Variants in RALGAPA2 observed in about 807,000 individuals in gnomAD.
RALGAPA2 encodes ral GTPase-activating protein subunit alpha-2.
A neutral mutation model predicts 230.4 loss-of-function variants in RALGAPA2; 139 were observed. The ratio of observed to expected loss-of-function variants is 0.60; its 90% CI spans 0.53 to 0.69. RALGAPA2 has a LOEUF of 0.69. RALGAPA2 is among the 30% of genes least tolerant of loss of function. The pLI, the probability that RALGAPA2 is intolerant of heterozygous loss-of-function variation, is 0.00. For missense variants in RALGAPA2, 2,163 were observed against 2,276.0 expected, an observed-to-expected ratio of 0.95 and a Z score of 1.01; for synonymous variants, 847 against 837.8, an observed-to-expected ratio of 1.01 and a Z score of -0.19.
chr20:20,458,054 C>T (rs917600245), intron 37 of RALGAPA2, among the ~76,000 whole-genome samples: 3 of 152,114 alleles, frequency 2.0e-5, no homozygotes, highest in African/African-American at 4.8e-5. Context: ...GCTGATGCTC[C>T]GAGGAGACTG....
rs1182378499 is a variant in RALGAPA2, at chr20:20,490,355, T to C, written c.5367+4762A>G. 3.3e-5 allele frequency among the ~76,000 whole-genome samples: 5 copies of C among 152,200 alleles called. No individual in the cohort carries two copies. In the East Asian group the frequency reaches 7.7e-4, roughly 23 times the overall value. On this transcript the variant is annotated intron_variant, in intron 36 of 39. Coordinates refer to ENST00000202677, the MANE Select transcript of RALGAPA2 (RefSeq NM_020343.4). ...AATGTCATTCCTTTACTAAAAATAA[T>C]GCTAATAACAATAATAATAAATTAT...
chr20:20,533,337 A>G (rs2063415399), intron 26 of RALGAPA2, among the ~76,000 whole-genome samples: 1 of 152,130 alleles, frequency 6.6e-6, no homozygotes, highest in African/African-American at 2.4e-5. Flanking sequence ...ATTAAAAAGA[A>G]TAGAAAGTAT....
chr20:20,491,815 T>C (rs1489617258), intron 36 of RALGAPA2, among the ~76,000 whole-genome samples: 1 of 152,020 alleles, frequency 6.6e-6, no homozygotes, highest in Non-Finnish European at 1.5e-5. Context: ...GGAATGATGC[T>C]GCTAAGCACA....
chr20:20,584,083 T>C (rs1053080090), intron 19 of RALGAPA2, among the ~76,000 whole-genome samples: 3 of 152,160 alleles, frequency 2.0e-5, no homozygotes, highest in African/African-American at 7.2e-5. Context: ...AGGGTGAAGG[T>C]AGAACTCCTC....
intron 1 of RALGAPA2, among the ~76,000 whole-genome samples, chr20:20,683,213 G>A (rs2068584065): frequency 6.6e-6 from 1 of 152,172 alleles, no homozygotes; most frequent in Non-Finnish European, 1.5e-5. Context: ...CCACGGCCCT[G>A]CCTGGTCTGT....
chr20:20,526,362 A>G lies in RALGAPA2; in HGVS notation c.3583T>C (p.Phe1195Leu), dbSNP rs1227973503. ...ACCTGGGCCACGATTTTGTTGGGAA[A>G]CTATAAAAGGAAACCGAATCCCAAA... ...AINVIGVTLK[F>L]PNKIVAQVAC... Residue 1195 changes from phenylalanine (F) to leucine (L), a missense_variant and splice_region_variant, in exon 28 of 40, where the codon TTT (phenylalanine) becomes CTT (leucine). By Grantham distance (22) the Phe-to-Leu change is conservative. Coordinates refer to ENST00000202677, the MANE Select transcript of RALGAPA2 (RefSeq NM_020343.4). 1 of 1,581,076 alleles carries G rather than the reference A, an allele frequency of 6.3e-7. No homozygotes were observed. Among genetic ancestry groups the G allele is most frequent in the Admixed American group, 1.9e-5 (1 of 53,818 alleles).
At chr20:20,450,546 A>G (rs940312265) in intron 37 of RALGAPA2, among the ~76,000 whole-genome samples, 2 of 152,238 alleles carry the variant, frequency 1.3e-5, no homozygotes, top group Non-Finnish European at 2.9e-5. Context: ...AGTGTGCACA[A>G]ATGAGAAACA....
intron 5 of RALGAPA2, among the ~76,000 whole-genome samples, chr20:20,641,295 T>G (rs746910087): frequency 1.3e-5 from 2 of 152,226 alleles, no homozygotes; most frequent in Non-Finnish European, 2.9e-5. Context: ...TAATAGTATC[T>G]TATTCTGTAA....
intron 35 of RALGAPA2, among the ~76,000 whole-genome samples, chr20:20,495,847 C>A (rs1221282760): frequency 6.6e-6 from 1 of 152,218 alleles, no homozygotes; most frequent in Non-Finnish European, 1.5e-5. Flanking sequence ...TAAGAACACT[C>A]CTACCTAGCA....
At chr20:20,527,351 C>T (rs1009985660) in intron 27 of RALGAPA2, among the ~76,000 whole-genome samples, 1 of 152,168 alleles carries the variant, frequency 6.6e-6, no homozygotes, top group African/African-American at 2.4e-5. Context: ...GTAGTCGTTG[C>T]ACTCAGGGGC....
At chr20:20,421,853 A>G (rs1267344055) in intron 37 of RALGAPA2, among the ~76,000 whole-genome samples, 1 of 152,210 alleles carries the variant, frequency 6.6e-6, no homozygotes, top group Admixed American at 6.5e-5. Context: ...GAGCATTATT[A>G]TTTACAGCCA....
chr20:20,643,455 T>C, intron 5 of RALGAPA2, 51 bp downstream of exon 5: 1 of 1,425,820 alleles, frequency 7.0e-7, no homozygotes, highest in Non-Finnish European at 9.4e-7. Flanking sequence ...CTTTGTGGCA[T>C]TAACAAATTT....
intron 37 of RALGAPA2, among the ~76,000 whole-genome samples, chr20:20,466,761 C>T (rs1052827199): frequency 1.1e-4 from 16 of 152,132 alleles, no homozygotes; most frequent in African/African-American, 3.4e-4. Flanking sequence ...TGTGGCCAAC[C>T]GAAATCCTCA....
intron 1 of RALGAPA2, among the ~76,000 whole-genome samples, chr20:20,687,030 C>A (rs985964162): frequency 2.6e-5 from 4 of 152,182 alleles, no homozygotes; most frequent in African/African-American, 9.7e-5. Context: ...CCATCCAAGC[C>A]CTGCCTATAG....
At chr20:20,590,760 T>C (rs2065265052) in intron 17 of RALGAPA2, among the ~76,000 whole-genome samples, 1 of 152,092 alleles carries the variant, frequency 6.6e-6, no homozygotes, top group Non-Finnish European at 1.5e-5. Flanking sequence ...CAGCTTTCCA[T>C]TCTCATTTTC....
At chr20:20,614,586 C>T (rs1469724214) in intron 13 of RALGAPA2, among the ~76,000 whole-genome samples, 1 of 152,156 alleles carries the variant, frequency 6.6e-6, no homozygotes, top group Non-Finnish European at 1.5e-5. Flanking sequence ...GCAAATAGTG[C>T]TAAGTTTAGA....
At chr20:20,570,908 G>A (rs150876447) in intron 23 of RALGAPA2, among the ~76,000 whole-genome samples, 167 of 152,296 alleles carry the variant, frequency 1.1e-3, no homozygotes, top group African/African-American at 3.8e-3. Context: ...CCCAAACCTA[G>A]GGCCTACAAG....
chr20:20,655,006 C>T (rs377734799), intron 3 of RALGAPA2, among the ~76,000 whole-genome samples: 17 of 152,118 alleles, frequency 1.1e-4, no homozygotes, highest in Admixed American at 2.0e-4. Flanking sequence ...TGATGTCAAA[C>T]GTTTTTTCAT....
At position 20,512,681 on chromosome 20, in the gene RALGAPA2, A is replaced by G. The variant is rs758089914; in HGVS notation, c.4688T>C (p.Val1563Ala). The G allele has an allele frequency of 1.4e-5, 23 of 1,613,856 alleles. No individual in the cohort carries two copies. Among genetic ancestry groups the G allele is most frequent in the Middle Eastern group, 3.3e-4 (2 of 6,084 alleles). ...CTCTTGAGCATTTTGGCGCAAAATG[A>G]CCTCAATGATTTCCTTCTCTTGGTC... ...NYDQEKEIIE[V>A]ILRQNAQEDE... is the part of the protein sequence containing the mutation. Residue 1563 changes from valine (V) to alanine (A), a missense_variant, in exon 32 of 40, where the codon GTC (valine) becomes GCC (alanine). Physicochemically the swap from Val to Ala is moderately conservative, Grantham distance 64. Coordinates refer to ENST00000202677, the MANE Select transcript of RALGAPA2 (RefSeq NM_020343.4).
Sources: allele counts gnomAD v4.1 joint callset (sites outside exome capture counted in the v4.1 genomes callset), GRCh38; gene constraint gnomAD v4.1.1; transcripts MANE v1.5; gene names NCBI Gene and HGNC (gene_info 2026-07-23, HGNC 2026-07-21).